The following MAP6 variants were observed in gnomAD, a reference collection of about 807,000 sequenced individuals.
MAP6 encodes the protein microtubule associated protein 6, also known as microtubule-associated protein 6.
A neutral mutation model predicts 42.4 loss-of-function variants in MAP6; 26 were observed. That is an observed-to-expected ratio of 0.61 (90% CI 0.45 to 0.85). The LOEUF is 0.85. MAP6 is among the 40% of genes least tolerant of loss of function. The probability of loss-of-function intolerance (pLI) is 0.00; values close to 1 mark genes in which losing one functional copy is unlikely to be tolerated. For synonymous variants in MAP6, 418 were observed against 443.8 expected, an observed-to-expected ratio of 0.94 and a Z score of 0.73; for missense variants, 966 against 1,099.0, an observed-to-expected ratio of 0.88 and a Z score of 1.71.
intron 1 of MAP6, among the ~76,000 whole-genome samples, chr11:75,653,263 G>A (rs1943679791): frequency 6.6e-6 from 1 of 152,212 alleles, no homozygotes; most frequent in Admixed American, 6.5e-5. Flanking sequence ...TGCAAGGAAA[G>A]CAAGCTGAAT....
At chr11:75,666,066 GACTA>G (rs916278442) in intron 1 of MAP6, among the ~76,000 whole-genome samples, 2 of 152,098 alleles carry the variant, frequency 1.3e-5, no homozygotes, top group Admixed American at 6.5e-5. Flanking sequence ...CTTGGCAAAG[GACTA>G]ACTCTCTAGT....
intron 1 of MAP6, among the ~76,000 whole-genome samples, chr11:75,642,375 C>T (rs1284724475): frequency 6.6e-6 from 1 of 152,248 alleles, no homozygotes; most frequent in Middle Eastern, 3.2e-3. Flanking sequence ...TGGGTTGTAT[C>T]TGTAGTTGTT....
At chr11:75,591,522 C>A (rs909591172) in intron 3 of MAP6, among the ~76,000 whole-genome samples, 4 of 152,180 alleles carry the variant, frequency 2.6e-5, no homozygotes, top group Non-Finnish European at 5.9e-5. Flanking sequence ...CAAAGCCACC[C>A]CCTCAGGGTG....
At chr11:75,592,455 C>T (rs1425313350) in intron 3 of MAP6, among the ~76,000 whole-genome samples, 1 of 152,214 alleles carries the variant, frequency 6.6e-6, no homozygotes, top group Non-Finnish European at 1.5e-5. Context: ...CTGCCAGAAA[C>T]TCAGATTCAT....
intron 3 of MAP6, chr11:75,603,212 G>C: frequency 1.0e-6 from 1 of 985,514 alleles, no homozygotes; most frequent in Non-Finnish European, 1.2e-6. Flanking sequence ...GGGAAACAGC[G>C]GGAAAGCTTC....
intron 1 of MAP6, among the ~76,000 whole-genome samples, chr11:75,646,499 TAA>T (rs763735730): frequency 1.0e-4 from 7 of 66,668 alleles, no homozygotes; most frequent in Non-Finnish European, 1.1e-4. Flanking sequence ...CCATCTCTAT[TAA>T]AAAAAAAAAA....
At chr11:75,633,501 C>CT (rs1474203310) in intron 1 of MAP6, among the ~76,000 whole-genome samples, 1 of 152,210 alleles carries the variant, frequency 6.6e-6, no homozygotes, top group Non-Finnish European at 1.5e-5. Context: ...AGTCCCTGCC[C>CT]TCTTGGAGAG....
intron 1 of MAP6, among the ~76,000 whole-genome samples, chr11:75,624,862 C>T (rs1943170162): frequency 6.6e-6 from 1 of 152,156 alleles, no homozygotes; most frequent in African/African-American, 2.4e-5. Flanking sequence ...GGTGCTCAGC[C>T]TACATAGTAA....
intron 1 of MAP6, among the ~76,000 whole-genome samples, chr11:75,612,899 G>C (rs1942926119): frequency 6.6e-6 from 1 of 152,152 alleles, no homozygotes; most frequent in Admixed American, 6.5e-5. Flanking sequence ...CATCTTTGTG[G>C]TTAGCAGGCA....
rs930878015 is a variant in MAP6, at chr11:75,667,698, G to A, written c.672C>T (p.Gly224=). The stretch of plus-strand genomic sequence containing the variant: ...CCCCGGACGCCTTTCCGGCCGCCAG[G>A]CCACCCGCTCCGCCGGGGGCCGCCT... The part of the protein sequence containing the change: ...EQEAAPGGAG[G]LAAGKASGAD... The change falls in exon 1 of 4, where the codon GGC becomes GGT. Residue 224 remains glycine (G), a synonymous_variant. Transcript: ENST00000304771. This position sits in a 1 kb window ranked among gnomAD's most constrained non-coding sequence, Gnocchi z 5.6. The A allele has an allele frequency of 3.9e-6, 5 of 1,281,134 alleles. No homozygotes were observed. Among genetic ancestry groups the A allele is most frequent in the African/African-American group, 3.1e-5 (2 of 64,344 alleles). 79.4% of individuals were successfully genotyped at this position (1,281,134 alleles called of 1,614,324 possible). A position where few individuals can be genotyped will look rare whatever the true frequency, so the allele number is the denominator to read the frequency against.
At chr11:75,617,514 CAAAAAAAA>C (rs61477947) in intron 1 of MAP6, among the ~76,000 whole-genome samples, 1 of 28,154 alleles carries the variant, frequency 3.6e-5, no homozygotes, top group South Asian at 1.7e-3. Flanking sequence ...AGACTGTCTC[CAAAAAAAA>C]AAAAAAAAAA....
intron 1 of MAP6, among the ~76,000 whole-genome samples, chr11:75,651,771 A>C (rs963034011): frequency 2.6e-5 from 4 of 152,262 alleles, no homozygotes; most frequent in African/African-American, 9.6e-5. Flanking sequence ...AGAATGAGTG[A>C]TGTGCTTAAT....
chr11:75,666,112 G>C (rs529921049), intron 1 of MAP6, among the ~76,000 whole-genome samples: 50 of 152,202 alleles, frequency 3.3e-4, no homozygotes, highest in African/African-American at 1.1e-3. Flanking sequence ...CTTGCAGGAA[G>C]GAGGCAGCAG....
chr11:75,595,718 G>GCCCCCA (rs1040903334), intron 3 of MAP6, among the ~76,000 whole-genome samples: 3 of 148,084 alleles, frequency 2.0e-5, no homozygotes, highest in Non-Finnish European at 4.5e-5. Flanking sequence ...TTCCCACAGT[G>GCCCCCA]CCCCCACCCC....
chr11:75,659,406 C>T (rs1357891555), intron 1 of MAP6, among the ~76,000 whole-genome samples: 1 of 152,102 alleles, frequency 6.6e-6, no homozygotes, highest in Non-Finnish European at 1.5e-5. Flanking sequence ...CGCGTGAACC[C>T]GGGAGGCAGA....
At chr11:75,635,040 T>A (rs1590790051) in intron 1 of MAP6, among the ~76,000 whole-genome samples, 1 of 152,218 alleles carries the variant, frequency 6.6e-6, no homozygotes, top group Admixed American at 6.5e-5. Context: ...ATAATAATGA[T>A]CTCTGTGAAA....
intron 3 of MAP6, chr11:75,594,487 T>C (rs1942541436): frequency 6.6e-6 from 1 of 152,150 alleles, no homozygotes; most frequent in Non-Finnish European, 1.5e-5. Context: ...TCAAAACAAC[T>C]CTCGCTCCGC....
chr11:75,637,889 A>G (rs1590792572), intron 1 of MAP6, among the ~76,000 whole-genome samples: 1 of 101,488 alleles, frequency 9.9e-6, no homozygotes, highest in Admixed American at 1.2e-4. Flanking sequence ...GGAAGGACTG[A>G]GGGAGGGAGG....
At chr11:75,592,534 C>G (rs1590749989) in intron 3 of MAP6, among the ~76,000 whole-genome samples, 2 of 152,164 alleles carry the variant, frequency 1.3e-5, no homozygotes, top group African/African-American at 2.4e-5. Flanking sequence ...CAGCTCCTAA[C>G]ATTTATCTCT....
Sources: allele counts gnomAD v4.1 joint callset (sites outside exome capture counted in the v4.1 genomes callset), GRCh38; gene constraint gnomAD v4.1.1; non-coding constraint Gnocchi (gnomAD v3.1); transcripts MANE v1.5; gene names NCBI Gene and HGNC (gene_info 2026-07-23, HGNC 2026-07-21).